Variants in KCNK9 observed in about 807,000 individuals in gnomAD.
KCNK9 encodes potassium two pore domain channel subfamily K member 9, also known as potassium channel subfamily K member 9.
Under a neutral mutation model 10.8 loss-of-function variants are expected in KCNK9, and 1 was observed. The observed-to-expected ratio is 0.09, with a 90% CI of 0.03 to 0.44. KCNK9 has a LOEUF of 0.44. Among genes scored for constraint, KCNK9 ranks in the 20% least tolerant of loss-of-function variants. KCNK9 has a pLI of 0.97. For missense variants in KCNK9, 303 were observed against 515.0 expected (o/e 0.59, Z 3.98); for synonymous variants, 231 against 222.7 (o/e 1.04, Z -0.33).
intron 1 of KCNK9, among the ~76,000 whole-genome samples, chr8:139,678,025 A>G (rs191758048): frequency 1.0e-3 from 158 of 152,286 alleles, no homozygotes; most frequent in Non-Finnish European, 1.7e-3. Context: ...AATACCTCGC[A>G]TCCCAGCCCC....
At chr8:139,700,380 G>A (rs777354556) in intron 1 of KCNK9, among the ~76,000 whole-genome samples, 1 of 152,110 alleles carries the variant, frequency 6.6e-6, no homozygotes, top group Non-Finnish European at 1.5e-5. Context: ...TTTACACTAT[G>A]GCCGAATTCA....
intron 1 of KCNK9, among the ~76,000 whole-genome samples, chr8:139,686,613 T>C (rs1031155517): frequency 6.6e-6 from 1 of 152,206 alleles, no homozygotes; most frequent in African/African-American, 2.4e-5. Flanking sequence ...CCTCATTTCA[T>C]AGATTGCAAA....
At chr8:139,648,680 A>G (rs1439178540) in intron 1 of KCNK9, among the ~76,000 whole-genome samples, 5 of 152,202 alleles carry the variant, frequency 3.3e-5, no homozygotes, top group African/African-American at 1.2e-4. Flanking sequence ...ACCAGTAGCA[A>G]ATTCTTCCCC....
In KCNK9 at chr8:139,694,043, C is replaced by A. The variant is rs182602543; in HGVS notation, c.283+8667G>T. Among the ~76,000 whole-genome samples the A allele has an allele frequency of 2.6e-5, 4 of 152,344 alleles. No individual in the cohort carries two copies. In the East Asian group the frequency reaches 7.7e-4, roughly 29 times the overall value. ...CCCGGCTTGACACCATCCCAACCCC[C>A]ATCCATTGGATGGTAGGAGCTTTTC... On this transcript the variant is annotated intron_variant, in intron 1 of 1. Coordinates refer to ENST00000520439, the MANE Select transcript of KCNK9 (RefSeq NM_001282534.2).
At chr8:139,625,774 G>C (rs1586640486) in intron 1 of KCNK9, among the ~76,000 whole-genome samples, 4 of 151,268 alleles carry the variant, frequency 2.6e-5, no homozygotes, top group African/African-American at 9.7e-5. Flanking sequence ...AGGGGAGAGA[G>C]GCAGAGGACA....
intron 1 of KCNK9, among the ~76,000 whole-genome samples, chr8:139,660,027 G>A (rs1369982613): frequency 1.3e-5 from 2 of 152,130 alleles, no homozygotes; most frequent in African/African-American, 4.8e-5. Flanking sequence ...GGAGTCTTAA[G>A]GAGCACCTTC....
At chr8:139,674,465 C>G (rs1319207628) in intron 1 of KCNK9, among the ~76,000 whole-genome samples, 2 of 152,170 alleles carry the variant, frequency 1.3e-5, no homozygotes, top group East Asian at 3.9e-4. Flanking sequence ...TGGGAGGGCC[C>G]CAGTGTCTCC....
exon 3 of KCNK9, chr8:139,601,600 T>A (rs1817371622): frequency 6.6e-6 from 1 of 152,150 alleles, no homozygotes; most frequent in African/African-American, 2.4e-5. Flanking sequence ...GCCTGCACGG[T>A]CCTGTTTTAA....
At chr8:139,689,035 G>C (rs547604128) in intron 1 of KCNK9, among the ~76,000 whole-genome samples, 1 of 152,206 alleles carries the variant, frequency 6.6e-6, no homozygotes, top group Admixed American at 6.5e-5. Context: ...AATCTAACTG[G>C]TGTCCTTATA....
chr8:139,689,673 C>T (rs1390207780), intron 1 of KCNK9, among the ~76,000 whole-genome samples: 2 of 142,366 alleles, frequency 1.4e-5, no homozygotes, highest in African/African-American at 5.2e-5. Flanking sequence ...GACGGAGTCT[C>T]ACTCTGCTGC....
At chr8:139,674,305 TG>T (rs1348305708) in intron 1 of KCNK9, among the ~76,000 whole-genome samples, 1 of 152,142 alleles carries the variant, frequency 6.6e-6, no homozygotes, top group Non-Finnish European at 1.5e-5. Context: ...GAGGGCTGCA[TG>T]TACAGCCGGA....
chr8:139,650,261 A>AC (rs1335732194), intron 1 of KCNK9, among the ~76,000 whole-genome samples: 1 of 152,220 alleles, frequency 6.6e-6, no homozygotes, highest in Non-Finnish European at 1.5e-5. Flanking sequence ...CCTTCTGCTA[A>AC]CCAGGCAGAG....
At chr8:139,609,106 A>ACCCCCTCCCCC (rs1554617339), downstream of KCNK9, among the ~76,000 whole-genome samples, 3 of 123,850 alleles carry the variant, frequency 2.4e-5, no homozygotes, top group African/African-American at 6.4e-5. Flanking sequence ...GACCCATCCC[A>ACCCCCTCCCCC]CCCCACCCCG....
At chr8:139,698,801 TCA>T (rs1817127299) in intron 1 of KCNK9, among the ~76,000 whole-genome samples, 2 of 152,222 alleles carry the variant, frequency 1.3e-5, no homozygotes, top group African/African-American at 4.8e-5. Flanking sequence ...GCTGTCTGTT[TCA>T]CGAAAAGTCT....
At chr8:139,641,437 C>T (rs985282887) in intron 1 of KCNK9, among the ~76,000 whole-genome samples, 2 of 152,172 alleles carry the variant, frequency 1.3e-5, no homozygotes, top group African/African-American at 2.4e-5. Flanking sequence ...GACCTGGGGC[C>T]CTGGGTCCTG....
intron 1 of KCNK9, among the ~76,000 whole-genome samples, chr8:139,665,955 A>T (rs1816288548): frequency 1.3e-5 from 2 of 152,332 alleles, no homozygotes; most frequent in South Asian, 4.1e-4. Context: ...GGTTAAATGC[A>T]TCAACACCCG....
intron 2 of KCNK9, among the ~76,000 whole-genome samples, chr8:139,604,102 G>T (rs200134452): frequency 6.6e-6 from 1 of 152,206 alleles, no homozygotes; most frequent in Admixed American, 6.5e-5. Flanking sequence ...GGTAGGAGGA[G>T]CAGAGGAAGA....
chr8:139,642,635 A>G (rs1815538425), intron 1 of KCNK9, among the ~76,000 whole-genome samples: 1 of 152,196 alleles, frequency 6.6e-6, no homozygotes, highest in Non-Finnish European at 1.5e-5. Context: ...GCACAGATGC[A>G]GGGATTCAGT....
At chr8:139,652,170 G>A (rs1563736039) in intron 1 of KCNK9, among the ~76,000 whole-genome samples, 1 of 152,138 alleles carries the variant, frequency 6.6e-6, no homozygotes, top group African/African-American at 2.4e-5. Flanking sequence ...AGCTTGCAGA[G>A]ATTATAGAGA....
Sources: allele counts gnomAD v4.1 joint callset (sites outside exome capture counted in the v4.1 genomes callset), GRCh38; gene constraint gnomAD v4.1.1; transcripts MANE v1.5; gene names NCBI Gene and HGNC (gene_info 2026-07-23, HGNC 2026-07-21).